Variants in ZNF578 observed in about 807,000 individuals in gnomAD.
The protein encoded by ZNF578 is zinc finger protein 578.
In ZNF578, 8 loss-of-function variants were observed where a neutral mutation model predicts 8.3. That is an observed-to-expected ratio of 0.96 (90% CI 0.56 to 1.74). The LOEUF (loss-of-function observed/expected upper bound fraction) is 1.74, where lower values mean the gene tolerates loss of function less well. Ranked by LOEUF, ZNF578 falls within the 40% of genes most tolerant of loss-of-function variation. The pLI is 0.00. For synonymous variants in ZNF578, 206 were observed against 232.2 expected (o/e 0.89, Z 1.03); for missense variants, 726 against 707.5 (o/e 1.03, Z -0.30).
chr19:52,511,662 CA>C lies in ZNF578; in HGVS notation c.1283del (p.Lys428SerfsTer48). On this transcript the variant is annotated frameshift_variant, in exon 6 of 6. Transcript: ENST00000421239. LOFTEE classifies it low-confidence loss of function (END_TRUNC). ...GACTTCATACTGGAGAGAAACCTTACAAGTGTAATGACTGTGGTAAGGCTTT... is the reference window on the plus strand; with the variant it reads ...GACTTCATACTGGAGAGAAACCTTACAGTGTAATGACTGTGGTAAGGCTTT... ...HRLHTGEKPYKCNDCGKAFIH... is the reference protein window; with the variant it reads ...HRLHTGEKPYXCNDCGKAFIH... 1 of 1,614,050 alleles carries C rather than the reference CA, an allele frequency of 6.2e-7. No individual in the cohort carries two copies. Among genetic ancestry groups the C allele is most frequent in the South Asian group, 1.1e-5 (1 of 91,080 alleles).
chr19:52,465,556 T>A (rs2122780168), intron 2 of ZNF578, among the ~76,000 whole-genome samples: 1 of 152,260 alleles, frequency 6.6e-6, no homozygotes, highest in Non-Finnish European at 1.5e-5. Context: ...GGAAAAGGAA[T>A]TTCCTTTCCT....
chr19:52,468,281 G>C (rs1361136944), intron 2 of ZNF578, among the ~76,000 whole-genome samples: 1 of 152,050 alleles, frequency 6.6e-6, no homozygotes, highest in African/African-American at 2.4e-5. Context: ...ATTAGATAAT[G>C]ATAAATTATA....
intron 2 of ZNF578, among the ~76,000 whole-genome samples, chr19:52,475,740 A>G (rs528660596): frequency 6.6e-6 from 1 of 152,312 alleles, no homozygotes; most frequent in Non-Finnish European, 1.5e-5. Context: ...CTACTTTCTG[A>G]GGCTGTACAC....
chr19:52,467,526 A>G (rs7252655), intron 2 of ZNF578, among the ~76,000 whole-genome samples: 134,846 of 152,050 alleles, frequency 0.89, 60,567 homozygotes, highest in Non-Finnish European at 0.96. Context: ...GGAGGTGGGA[A>G]GATCACTTGA....
At position 52,516,649 on chromosome 19, in the gene ZNF578, C is replaced by G. The variant is rs1404173820; in HGVS notation, c.*4495C>G. Among the ~76,000 whole-genome samples the G allele has an allele frequency of 6.6e-6, 1 of 152,210 alleles. No homozygotes were observed. Among genetic ancestry groups the G allele is most frequent in the Admixed American group, 6.5e-5 (1 of 15,284 alleles). On this transcript the variant is annotated 3_prime_UTR_variant, in exon 6 of 6. Transcript: ENST00000421239. ...TTATTTCTGCACCATCTTGACTGAT[C>G]AATGTGCTTTGTAATCTCCCCCACC...
At chr19:52,489,628 C>G (rs1470466985) in intron 2 of ZNF578, among the ~76,000 whole-genome samples, 18 of 151,936 alleles carry the variant, frequency 1.2e-4, no homozygotes, top group Admixed American at 1.2e-3. Flanking sequence ...AATAAAAGCA[C>G]TGCTCCTATT....
rs905575610 is a variant in ZNF578 at position 52,515,030 on chromosome 19, T to G, written c.*2876T>G. On this transcript the variant is annotated 3_prime_UTR_variant, in exon 6 of 6. Transcript: ENST00000421239. ...GAGGCTGGAGTGCAATGGTGCGATC[T>G]GGTGTCACTCCAATGTCTTCCTCCT... 6.6e-6 allele frequency among the ~76,000 whole-genome samples: 1 copy of G among 150,692 alleles called. No individual in the cohort carries two copies. Among genetic ancestry groups the G allele is most frequent in the African/African-American group, 2.4e-5 (1 of 40,844 alleles).
intron 2 of ZNF578, among the ~76,000 whole-genome samples, chr19:52,486,525 A>C (rs1234521157): frequency 6.6e-6 from 1 of 152,228 alleles, no homozygotes; most frequent in Non-Finnish European, 1.5e-5. Flanking sequence ...GAAAAGCTAG[A>C]TATACAGAGA....
rs754451089 is a variant in ZNF578 at position 52,511,490 on chromosome 19, C to CT, written c.1111dup (p.Tyr371LeufsTer4). Reference sequence around the variant, plus strand: ...CGTAGACTTCATACTGGAATAAAACCTTACAAGTGTAATGAGTGTGGCAAG... The same window carrying CT: ...CGTAGACTTCATACTGGAATAAAACCTTTACAAGTGTAATGAGTGTGGCAAG... On this transcript the variant is annotated frameshift_variant, in exon 6 of 6. Coordinates refer to ENST00000421239, the MANE Select transcript of ZNF578 (RefSeq NM_001099694.2). LOFTEE classifies it low-confidence loss of function (END_TRUNC). The CT allele has an allele frequency of 7.5e-5, 121 of 1,614,036 alleles. No homozygotes were observed. The East Asian group carries it at 1.6e-3, about 21-fold the overall frequency.
chr19:52,486,624 G>A (rs1188386958), intron 2 of ZNF578, among the ~76,000 whole-genome samples: 1 of 152,100 alleles, frequency 6.6e-6, no homozygotes, highest in Non-Finnish European at 1.5e-5. Context: ...AGCCAGGGCA[G>A]ACAGAGCAGA....
chr19:52,489,552 C>T (rs1362403023), intron 2 of ZNF578, among the ~76,000 whole-genome samples: 2 of 152,040 alleles, frequency 1.3e-5, no homozygotes, highest in African/African-American at 4.8e-5. Context: ...CACGCCATTG[C>T]ACTCCAGCCT....
Position 52,515,394 on chromosome 19 carries a change from G to A in ZNF578, c.*3240G>A, listed in dbSNP as rs1354502677. ...TTATAAATGTTCCTGTGAGTTTTTTGTAAGGAAGAATTAACTGTCAGGAAT... is the reference window on the plus strand; with the variant it reads ...TTATAAATGTTCCTGTGAGTTTTTTATAAGGAAGAATTAACTGTCAGGAAT... On this transcript the variant is annotated 3_prime_UTR_variant, in exon 6 of 6. Coordinates refer to ENST00000421239, the MANE Select transcript of ZNF578 (RefSeq NM_001099694.2). Among the ~76,000 whole-genome samples, 3 of 152,096 alleles carry A rather than the reference G, an allele frequency of 2.0e-5. No homozygotes were observed. The highest frequency in any genetic ancestry group is 4.4e-5 in the Non-Finnish European group (3 of 68,026).
chr19:52,514,593 G>C lies in ZNF578; in HGVS notation c.*2439G>C, dbSNP rs888716794. ...TATTGTGTGTTTCCCTCAAGGCCCTGTGGTCCATTCTGGAAAAATGTTGAA... is the reference window on the plus strand; with the variant it reads ...TATTGTGTGTTTCCCTCAAGGCCCTCTGGTCCATTCTGGAAAAATGTTGAA... On this transcript the variant is annotated 3_prime_UTR_variant, in exon 6 of 6. Transcript: ENST00000421239. 4.6e-5 allele frequency among the ~76,000 whole-genome samples: 7 copies of C among 152,300 alleles called. No homozygotes were observed. Among genetic ancestry groups the C allele is most frequent in the African/African-American group, 1.4e-4 (6 of 41,556 alleles).
intron 2 of ZNF578, among the ~76,000 whole-genome samples, chr19:52,460,314 C>CT (rs35382657): frequency 4.8e-5 from 7 of 145,942 alleles, no homozygotes; most frequent in African/African-American, 1.8e-4. Flanking sequence ...CTCTCCAACA[C>CT]TTTTTTTTTT....
chr19:52,509,923 C>T (rs957306683), intron 5 of ZNF578, among the ~76,000 whole-genome samples: 12 of 150,218 alleles, frequency 8.0e-5, no homozygotes, highest in Admixed American at 2.7e-4. Flanking sequence ...ACTTTGTTGC[C>T]CAGTGTGGAG....
chr19:52,454,065 G>C (rs956309324), intron 1 of ZNF578: 4 of 151,896 alleles, frequency 2.6e-5, no homozygotes, highest in African/African-American at 9.7e-5. Flanking sequence ...CTGGGCCCTT[G>C]TGTTCCCCAG....
intron 3 of ZNF578, among the ~76,000 whole-genome samples, chr19:52,494,346 A>AT (rs1555755253): frequency 2.0e-5 from 3 of 152,094 alleles, no homozygotes; most frequent in African/African-American, 7.2e-5. Context: ...AGAAAAAAAA[A>AT]TTTAACGGGG....
intron 3 of ZNF578, among the ~76,000 whole-genome samples, chr19:52,498,891 C>T (rs74839640): frequency 3.0e-4 from 46 of 151,990 alleles, no homozygotes; most frequent in South Asian, 2.1e-4. Flanking sequence ...CTATGTTGCC[C>T]GTGTTGGTCT....
rs185647415 is a variant in ZNF578, at chr19:52,510,848, T to C, written c.467T>C (p.Leu156Pro). Reference sequence around the variant, plus strand: ...GGAAACAAGCCTATTAAAGATCAGCTTGGATTAAGCTTTCATTTGCATCTT... The same window carrying C: ...GGAAACAAGCCTATTAAAGATCAGCCTGGATTAAGCTTTCATTTGCATCTT... ...HAGNKPIKDQ[L>P]GLSFHLHLPE... Residue 156 changes from leucine (L) to proline (P), a missense_variant, in exon 6 of 6, where the codon CTT (leucine) becomes CCT (proline). Coordinates refer to ENST00000421239, the MANE Select transcript of ZNF578 (RefSeq NM_001099694.2). The C allele has an allele frequency of 1.9e-6, 3 of 1,614,192 alleles. No homozygotes were observed. Among genetic ancestry groups the C allele is most frequent in the Non-Finnish European group, 2.5e-6 (3 of 1,180,030 alleles).
Sources: gnomAD v4.1 joint callset for allele counts (sites outside exome capture counted in the v4.1 genomes callset) on GRCh38, gnomAD v4.1.1 for gene constraint, MANE v1.5 for transcripts, NCBI Gene and HGNC (gene_info 2026-07-23, HGNC 2026-07-21) for gene names.